CHRM2: variants seen among roughly 807,000 people sequenced by gnomAD.
The protein encoded by CHRM2 is muscarinic acetylcholine receptor M2.
A neutral mutation model predicts 25.0 loss-of-function variants in CHRM2; 8 were observed. The ratio of observed to expected loss-of-function variants is 0.32; its 90% CI spans 0.19 to 0.58. The LOEUF (loss-of-function observed/expected upper bound fraction) is 0.58, where lower values mean the gene tolerates loss of function less well. CHRM2 is among the 20% of genes least tolerant of loss of function. The pLI is 0.88. For missense variants in CHRM2, 440 were observed against 567.1 expected (o/e 0.78, Z 2.28); for synonymous variants, 202 against 205.7 (o/e 0.98, Z 0.15).
rs116965173 is a variant in CHRM2 at position 136,883,061 on chromosome 7, A to T, written c.-125+13643A>T. 4.9e-3 allele frequency among the ~76,000 whole-genome samples: 742 copies of T among 152,282 alleles called. 14 individuals are homozygous for T. Among genetic ancestry groups the T allele is most frequent in the Admixed American group, 0.036 (557 of 15,280 alleles). On this transcript the variant is annotated intron_variant, in intron 2 of 3. Transcript: ENST00000680005. ...ATGCAATAGCCTTAGCCTTACTCAA[A>T]AGAGGAAGGAGAAGTACTACACTTA... is the stretch of plus-strand genomic sequence containing the variant.
At chr7:136,959,629 G>A (rs986689097) in intron 2 of CHRM2, among the ~76,000 whole-genome samples, 7 of 151,972 alleles carry the variant, frequency 4.6e-5, no homozygotes, top group Non-Finnish European at 8.8e-5. Context: ...AGGAAGTGAA[G>A]GGGGAGGCCA....
chr7:136,903,525 T>C (rs1301267118), intron 2 of CHRM2: 1 of 166,686 alleles, frequency 6.0e-6, no homozygotes, highest in Non-Finnish European at 1.3e-5. Context: ...TTAGAAATGA[T>C]AGAAGTATAA....
chr7:136,975,450 G>A (rs564074253), intron 2 of CHRM2, among the ~76,000 whole-genome samples: 7 of 152,188 alleles, frequency 4.6e-5, no homozygotes, highest in African/African-American at 1.7e-4. Flanking sequence ...GGAAAAAGAA[G>A]AAAGAAAATG....
chr7:136,973,201 C>T (rs1479054478), intron 2 of CHRM2, among the ~76,000 whole-genome samples: 3 of 95,554 alleles, frequency 3.1e-5, no homozygotes, highest in African/African-American at 1.4e-4. Context: ...ATGGTGGCGA[C>T]GGTGTTAGGG....
chr7:136,998,997 A>C (rs1233975780), intron 3 of CHRM2, among the ~76,000 whole-genome samples: 2 of 152,158 alleles, frequency 1.3e-5, no homozygotes, highest in Non-Finnish European at 2.9e-5. Context: ...AAATTGTAGA[A>C]AAAACCCTCA....
At chr7:136,907,254 C>G (rs1797606468) in intron 2 of CHRM2, among the ~76,000 whole-genome samples, 1 of 151,898 alleles carries the variant, frequency 6.6e-6, no homozygotes, top group Non-Finnish European at 1.5e-5. Flanking sequence ...TTGAAGACCC[C>G]TGCTTTAGAT....
At chr7:136,895,279 G>C (rs1030407671) in intron 2 of CHRM2, among the ~76,000 whole-genome samples, 1 of 152,164 alleles carries the variant, frequency 6.6e-6, no homozygotes, top group African/African-American at 2.4e-5. Flanking sequence ...ATTTGAGTAT[G>C]TATAAGGAGA....
At chr7:136,928,826 T>C (rs987475766) in intron 2 of CHRM2, among the ~76,000 whole-genome samples, 15 of 152,138 alleles carry the variant, frequency 9.9e-5, no homozygotes, top group Admixed American at 3.3e-4. Flanking sequence ...CAAAACTAAT[T>C]GAGGTTTTGG....
At chr7:136,920,082 G>A (rs1798345049) in intron 2 of CHRM2, among the ~76,000 whole-genome samples, 1 of 151,630 alleles carries the variant, frequency 6.6e-6, no homozygotes, top group Non-Finnish European at 1.5e-5. Context: ...CTTATATGGT[G>A]ACATTTCAAC....
chr7:136,921,970 C>A (rs1798473729), intron 2 of CHRM2, among the ~76,000 whole-genome samples: 1 of 151,908 alleles, frequency 6.6e-6, no homozygotes, highest in South Asian at 2.1e-4. Context: ...TTTTGCCATG[C>A]TGGCCAGACT....
At chr7:136,969,300 T>A (rs750744128) in intron 2 of CHRM2, among the ~76,000 whole-genome samples, 5 of 152,308 alleles carry the variant, frequency 3.3e-5, no homozygotes, top group Non-Finnish European at 7.4e-5. Flanking sequence ...AAGTTTTCTG[T>A]TTCTTTGGGT....
At position 136,871,436 on chromosome 7, in the gene CHRM2, C is replaced by A. The variant is rs941421839; in HGVS notation, c.-125+2018C>A. The A allele has an allele frequency of 4.6e-5, 7 of 152,664 alleles. 1 individual carries two copies. The highest frequency in any genetic ancestry group is 1.7e-4 in the African/African-American group (7 of 41,470). The allele number at this position is 152,664 out of a possible 1,614,324, so 9.5% of individuals were successfully genotyped here. A position where few individuals can be genotyped will look rare whatever the true frequency, so the allele number is the denominator to read the frequency against. Reference sequence around the variant, plus strand: ...GATGCCTGGTGCTGGGATGCGCCAGCGCTTCTGTTCGCTTCTGGCAATCCT... The same window carrying A: ...GATGCCTGGTGCTGGGATGCGCCAGAGCTTCTGTTCGCTTCTGGCAATCCT... On this transcript the variant is annotated intron_variant, in intron 2 of 3. Transcript: ENST00000680005.
At chr7:136,933,400 C>T (rs558971731) in intron 2 of CHRM2, among the ~76,000 whole-genome samples, 17 of 152,292 alleles carry the variant, frequency 1.1e-4, no homozygotes, top group African/African-American at 3.4e-4. Context: ...ATTTCATACA[C>T]ACCAGGAGAG....
chr7:136,922,181 A>G (rs1798484947), intron 2 of CHRM2, among the ~76,000 whole-genome samples: 1 of 152,164 alleles, frequency 6.6e-6, no homozygotes, highest in Non-Finnish European at 1.5e-5. Flanking sequence ...CATTTGCTCA[A>G]GCAGCAACTT....
At chr7:136,989,548 G>A (rs1024700564) in intron 2 of CHRM2, among the ~76,000 whole-genome samples, 3 of 152,102 alleles carry the variant, frequency 2.0e-5, no homozygotes, top group Admixed American at 2.0e-4. Context: ...GGAAGTTCAA[G>A]TCCCTCTGCT....
intron 2 of CHRM2, among the ~76,000 whole-genome samples, chr7:136,990,967 G>C (rs1326701475): frequency 6.6e-6 from 1 of 152,018 alleles, no homozygotes; most frequent in East Asian, 1.9e-4. Flanking sequence ...TTCCTTGATG[G>C]CATATGATAT....
chr7:136,948,517 A>G (rs1409450042), intron 2 of CHRM2, among the ~76,000 whole-genome samples: 1 of 152,164 alleles, frequency 6.6e-6, no homozygotes, highest in Non-Finnish European at 1.5e-5. Flanking sequence ...CTGTGAGGAC[A>G]TTTAAGTCAA....
intron 2 of CHRM2, among the ~76,000 whole-genome samples, chr7:136,884,531 G>A (rs1023042153): frequency 1.3e-5 from 2 of 151,538 alleles, no homozygotes; most frequent in Non-Finnish European, 2.9e-5. Flanking sequence ...TTTTATCAGG[G>A]GAAAGTGGAG....
intron 2 of CHRM2, among the ~76,000 whole-genome samples, chr7:136,890,070 T>A (rs1319082764): frequency 2.0e-5 from 3 of 152,238 alleles, no homozygotes; most frequent in African/African-American, 7.2e-5. Context: ...CATATATTTT[T>A]TTCTAACCTG....
Sources: gnomAD v4.1 joint callset for allele counts (sites outside exome capture counted in the v4.1 genomes callset) on GRCh38, gnomAD v4.1.1 for gene constraint, MANE v1.5 for transcripts, NCBI Gene and HGNC (gene_info 2026-07-23, HGNC 2026-07-21) for gene names.